The following HCN1 variants were observed in gnomAD, a reference collection of about 807,000 sequenced individuals.
HCN1 encodes hyperpolarization activated cyclic nucleotide gated potassium channel 1, also known as potassium/sodium hyperpolarization-activated cyclic nucleotide-gated channel 1.
A neutral mutation model predicts 78.9 loss-of-function variants in HCN1; 13 were observed. That is an observed-to-expected ratio of 0.16 (90% CI 0.11 to 0.26). HCN1 has a LOEUF of 0.26. HCN1 is among the 10% of genes least tolerant of loss of function. The pLI, the probability that HCN1 is intolerant of heterozygous loss-of-function variation, is 1.00. For missense variants in HCN1, 810 were observed against 1,154.3 expected, an observed-to-expected ratio of 0.70 and a Z score of 4.32; for synonymous variants, 552 against 455.5, an observed-to-expected ratio of 1.21 and a Z score of -2.70.
intron 3 of HCN1, among the ~76,000 whole-genome samples, chr5:45,418,990 T>A (rs1199179073): frequency 6.6e-6 from 1 of 152,150 alleles, no homozygotes; most frequent in Non-Finnish European, 1.5e-5. Flanking sequence ...GCATTTCAAT[T>A]CCACTTGCAT....
At chr5:45,333,482 TA>T (rs1371343004) in intron 5 of HCN1, among the ~76,000 whole-genome samples, 5 of 151,812 alleles carry the variant, frequency 3.3e-5, no homozygotes, top group African/African-American at 1.2e-4. Flanking sequence ...AGAAGCTTTT[TA>T]ACTTGATGTG....
At chr5:45,274,974 T>C (rs1011137519) in intron 6 of HCN1, among the ~76,000 whole-genome samples, 23 of 152,196 alleles carry the variant, frequency 1.5e-4, no homozygotes, top group African/African-American at 5.5e-4. Context: ...CATTGTCATA[T>C]ATTATTTGTT....
chr5:45,270,661 T>A (rs947162602), intron 6 of HCN1, among the ~76,000 whole-genome samples: 4 of 151,972 alleles, frequency 2.6e-5, no homozygotes, highest in Non-Finnish European at 5.9e-5. Context: ...TGTAGAGGGA[T>A]GAGATAAAGG....
At chr5:45,689,083 T>C (rs1739859199) in intron 1 of HCN1, among the ~76,000 whole-genome samples, 1 of 152,060 alleles carries the variant, frequency 6.6e-6, no homozygotes, top group Non-Finnish European at 1.5e-5. Flanking sequence ...GCTGCATAAC[T>C]GTGAACTTAC....
At chr5:45,374,267 A>G (rs1045908764) in intron 4 of HCN1, among the ~76,000 whole-genome samples, 1 of 113,742 alleles carries the variant, frequency 8.8e-6, no homozygotes, top group Non-Finnish European at 1.7e-5. Context: ...TACATAACAT[A>G]TATATTATAT....
intron 4 of HCN1, among the ~76,000 whole-genome samples, chr5:45,382,963 C>G (rs1461962684): frequency 1.3e-5 from 2 of 152,026 alleles, no homozygotes; most frequent in Non-Finnish European, 2.9e-5. Flanking sequence ...TCTTGTTTTT[C>G]TTATCTCTAA....
intron 3 of HCN1, among the ~76,000 whole-genome samples, chr5:45,432,009 G>C (rs1740473361): frequency 6.6e-6 from 1 of 151,994 alleles, no homozygotes; most frequent in Non-Finnish European, 1.5e-5. Flanking sequence ...CATTGAATCT[G>C]CAAATTGTTT....
chr5:45,340,700 T>C lies in HCN1; in HGVS notation c.1377+12400A>G, dbSNP rs578089099. Among the ~76,000 whole-genome samples the C allele has an allele frequency of 3.9e-5, 6 of 152,298 alleles. No individual in the cohort carries two copies. In the South Asian group the frequency reaches 1.2e-3, roughly 32 times the overall value. The stretch of plus-strand genomic sequence containing the variant: ...GGGTCTTCAAAAAGCTTATGGAAGG[T>C]GCATATTATGAAAAAGCTATATATG... On this transcript the variant is annotated intron_variant, in intron 5 of 7. Coordinates refer to ENST00000303230, the MANE Select transcript of HCN1 (RefSeq NM_021072.4).
At chr5:45,357,776 C>T (rs1385265212) in intron 4 of HCN1, among the ~76,000 whole-genome samples, 5 of 151,988 alleles carry the variant, frequency 3.3e-5, no homozygotes, top group African/African-American at 1.2e-4. Flanking sequence ...CTCCAAACTT[C>T]ATGTTGAGAT....
At chr5:45,308,154 G>T (rs139690394) in intron 5 of HCN1, among the ~76,000 whole-genome samples, 38 of 152,118 alleles carry the variant, frequency 2.5e-4, no homozygotes, top group African/African-American at 8.7e-4. Flanking sequence ...TCTCTCTCAT[G>T]TCCTCTCTCA....
intron 2 of HCN1, among the ~76,000 whole-genome samples, chr5:45,511,321 C>T (rs773797784): frequency 2.1e-4 from 32 of 151,958 alleles, no homozygotes; most frequent in Non-Finnish European, 2.8e-4. Flanking sequence ...CGTAGGTACA[C>T]TCCCCTAAGG....
chr5:45,431,120 T>C (rs923020709), intron 3 of HCN1, among the ~76,000 whole-genome samples: 2 of 152,198 alleles, frequency 1.3e-5, no homozygotes, highest in Admixed American at 6.5e-5. Flanking sequence ...TTTGGCTTTT[T>C]ACTAGTAGCC....
At chr5:45,650,530 ATC>A (rs2112039571) in intron 1 of HCN1, among the ~76,000 whole-genome samples, 1 of 152,168 alleles carries the variant, frequency 6.6e-6, no homozygotes, top group East Asian at 1.9e-4. Flanking sequence ...AAAACTAATG[ATC>A]TTTATAATTA....
In HCN1 at chr5:45,316,529, C is replaced by G. The variant is rs1332061731; in HGVS notation, c.1378-12690G>C. ...AAGACAGGGATGCCCTCTCTCACCA[C>G]TCCTATTCAACATAGTGTTGGAAGT... On this transcript the variant is annotated intron_variant, in intron 5 of 7. Coordinates refer to ENST00000303230, the MANE Select transcript of HCN1 (RefSeq NM_021072.4). Among the ~76,000 whole-genome samples, 4 of 152,268 alleles carry G rather than the reference C, an allele frequency of 2.6e-5. No homozygotes were observed. In the East Asian group the frequency reaches 7.7e-4, roughly 29 times the overall value.
chr5:45,375,199 A>C (rs1221017646), intron 4 of HCN1, among the ~76,000 whole-genome samples: 1 of 113,030 alleles, frequency 8.8e-6, no homozygotes, highest in East Asian at 2.2e-4. Context: ...TATATAATAT[A>C]ATATTTTATA....
At chr5:45,612,672 A>G (rs1032320698) in intron 2 of HCN1, among the ~76,000 whole-genome samples, 2 of 152,268 alleles carry the variant, frequency 1.3e-5, no homozygotes, top group African/African-American at 4.8e-5. Flanking sequence ...TGCTACACTG[A>G]TGAACCCTGA....
At chr5:45,637,763 A>T (rs1472086966) in intron 2 of HCN1, among the ~76,000 whole-genome samples, 1 of 152,154 alleles carries the variant, frequency 6.6e-6, no homozygotes, top group Non-Finnish European at 1.5e-5. Flanking sequence ...GGCAAACTAA[A>T]GAGGTTCAAC....
intron 4 of HCN1, among the ~76,000 whole-genome samples, chr5:45,353,458 T>C (rs1746951502): frequency 6.6e-6 from 1 of 151,976 alleles, no homozygotes; most frequent in African/African-American, 2.4e-5. Context: ...GCACATTTCA[T>C]GGAAAGAACT....
At chr5:45,471,192 A>G (rs562310753) in intron 2 of HCN1, among the ~76,000 whole-genome samples, 1 of 151,946 alleles carries the variant, frequency 6.6e-6, no homozygotes, top group Non-Finnish European at 1.5e-5. Flanking sequence ...ACTTTACATT[A>G]AGATAAATAA....
Sources: gnomAD v4.1 joint callset for allele counts (sites outside exome capture counted in the v4.1 genomes callset) on GRCh38, gnomAD v4.1.1 for gene constraint, MANE v1.5 for transcripts, NCBI Gene and HGNC (gene_info 2026-07-23, HGNC 2026-07-21) for gene names.